UGT2A2: variants seen among roughly 807,000 people sequenced by gnomAD.
UGT2A2 encodes UDP-glucuronosyltransferase 2A2.
In UGT2A2, 60 loss-of-function variants were observed where a neutral mutation model predicts 50.7. The observed-to-expected ratio is 1.18, with a 90% CI of 0.96 to 1.47. UGT2A2 has a LOEUF of 1.47. UGT2A2 is among the 40% of genes most tolerant of loss of function. UGT2A2 has a pLI of 0.00. For synonymous variants in UGT2A2, 242 were observed against 214.6 expected (o/e 1.13, Z -1.11); for missense variants, 762 against 634.0 (o/e 1.20, Z -2.17).
intron 1 of UGT2A2, among the ~76,000 whole-genome samples, chr4:69,602,463 TTATCTATCTATC>T (rs71206000): frequency 0.01 from 1,038 of 100,912 alleles, 231 homozygotes; most frequent in African/African-American, 0.034. Flanking sequence ...ATTTAGGAGT[TTATCTATCTATC>T]TATCTATCTA....
At position 69,639,463 on chromosome 4, in the gene UGT2A2, T is replaced by A; in HGVS notation, c.178A>T (p.Thr60Ser). Residue 60 changes from threonine to serine, a missense_variant, in exon 1 of 6, where the codon ACT (threonine) becomes TCT (serine). Thr to Ser is a moderately conservative substitution (Grantham distance 58). Transcript: ENST00000604629. ...EELIQRNHNV[T>S]VLASSATLFI... is the part of the protein sequence containing the mutation. ...AGAGTTGCTGATGAAGCCAGTACAG[T>A]CACATTGTGATTTCTTTGAATCAAC... 6.2e-7 allele frequency: 1 copy of A among 1,613,182 alleles called. No homozygotes were observed. Among genetic ancestry groups the A allele is most frequent in the Non-Finnish European group, 8.5e-7 (1 of 1,179,540 alleles).
chr4:69,614,184 G>C (rs1720237758), intron 1 of UGT2A2, among the ~76,000 whole-genome samples: 1 of 151,764 alleles, frequency 6.6e-6, no homozygotes, highest in Non-Finnish European at 1.5e-5. Context: ...TGCCAACAGT[G>C]AACCATATGT....
intron 1 of UGT2A2, among the ~76,000 whole-genome samples, chr4:69,625,425 T>TTTTGTTTA (rs1459414132): frequency 2.0e-5 from 3 of 151,222 alleles, no homozygotes; most frequent in Non-Finnish European, 4.4e-5. Context: ...TGTTAGGATG[T>TTTTGTTTA]TTTGTTTATT....
intron 1 of UGT2A2, among the ~76,000 whole-genome samples, chr4:69,633,095 T>C (rs1456625512): frequency 6.6e-6 from 1 of 151,908 alleles, no homozygotes; most frequent in Non-Finnish European, 1.5e-5. Context: ...AAGTAAGAGG[T>C]AGGAGTTACT....
chr4:69,603,283 A>G (rs1410364450), intron 1 of UGT2A2, among the ~76,000 whole-genome samples: 1 of 136,434 alleles, frequency 7.3e-6, no homozygotes, highest in Non-Finnish European at 1.6e-5. Context: ...TATAAAGGAA[A>G]GCAGTTAAGA....
At chr4:69,606,161 G>A (rs1175767409) in intron 1 of UGT2A2, among the ~76,000 whole-genome samples, 2 of 136,230 alleles carry the variant, frequency 1.5e-5, no homozygotes, top group East Asian at 2.0e-4. Context: ...GAACATCGAG[G>A]CAAAAATCCT....
chr4:69,617,593 C>T (rs922440025), intron 1 of UGT2A2, among the ~76,000 whole-genome samples: 9 of 151,798 alleles, frequency 5.9e-5, no homozygotes, highest in Middle Eastern at 3.4e-3. Flanking sequence ...CAAATTAGGG[C>T]TAGTGCTATC....
At chr4:69,614,219 C>T (rs889634570) in intron 1 of UGT2A2, among the ~76,000 whole-genome samples, 1 of 151,752 alleles carries the variant, frequency 6.6e-6, no homozygotes, top group Non-Finnish European at 1.5e-5. Context: ...ATCCCATTTG[C>T]AACAGCTACA....
At chr4:69,622,735 T>C (rs73824177) in intron 1 of UGT2A2, among the ~76,000 whole-genome samples, 3 of 151,822 alleles carry the variant, frequency 2.0e-5, no homozygotes, top group Non-Finnish European at 4.4e-5. Context: ...GATGCTGCTA[T>C]TGTCTAGCAA....
rs572259414 is a variant in UGT2A2, at chr4:69,637,236, T to C, written c.742+1663A>G. Among the ~76,000 whole-genome samples, 6 of 152,258 alleles carry C rather than the reference T, an allele frequency of 3.9e-5. No individual in the cohort carries two copies. In the South Asian group the frequency reaches 8.3e-4, roughly 21 times the overall value. On this transcript the variant is annotated intron_variant, in intron 1 of 5. Coordinates refer to ENST00000604629, the MANE Select transcript of UGT2A2 (RefSeq NM_001105677.2). ...AACTATACTTGTAAAATTTTAGTTA[T>C]AGCATCTTCAAAAATAAACTCAAAT... is the stretch of plus-strand genomic sequence containing the variant.
chr4:69,622,353 T>C (rs1343955421), intron 1 of UGT2A2, among the ~76,000 whole-genome samples: 1 of 151,768 alleles, frequency 6.6e-6, no homozygotes, highest in African/African-American at 2.4e-5. Flanking sequence ...ATAGCTAATA[T>C]GCCAGTGTAT....
chr4:69,608,505 G>A (rs1719821616), intron 1 of UGT2A2, among the ~76,000 whole-genome samples: 2 of 151,696 alleles, frequency 1.3e-5, no homozygotes, highest in African/African-American at 4.8e-5. Context: ...CACCAACCTG[G>A]CACATGTATG....
chr4:69,593,688 A>T (rs2109877752), intron 5 of UGT2A2, among the ~76,000 whole-genome samples: 1 of 151,840 alleles, frequency 6.6e-6, no homozygotes, highest in South Asian at 2.1e-4. Context: ...GTACAAATCA[A>T]TATTTAAAAA....
intron 1 of UGT2A2, among the ~76,000 whole-genome samples, chr4:69,637,938 G>C (rs904236721): frequency 7.3e-6 from 1 of 136,406 alleles, no homozygotes; most frequent in Non-Finnish European, 1.5e-5. Flanking sequence ...CAGGAAGGAA[G>C]GAAGGAAAGA....
chr4:69,596,526 T>C lies in UGT2A2; in HGVS notation c.892-145A>G, dbSNP rs140163061. On this transcript the variant is annotated intron_variant, in intron 2 of 5. Transcript: ENST00000604629. ...TCTTCTGACATGTAGAAAGATCTAG[T>C]TTCTATATTTTTTTTTGGCAGAGTC... 9.0e-5 allele frequency: 112 copies of C among 1,242,022 alleles called. No individual in the cohort carries two copies. In the African/African-American group the frequency reaches 1.3e-3, roughly 15 times the overall value. The allele number at this position is 1,242,022 out of a possible 1,614,324, so 76.9% of individuals were successfully genotyped here. A position where few individuals can be genotyped will look rare whatever the true frequency, so the allele number is the denominator to read the frequency against.
At chr4:69,612,547 G>A (rs1347738874) in intron 1 of UGT2A2, among the ~76,000 whole-genome samples, 1 of 151,790 alleles carries the variant, frequency 6.6e-6, no homozygotes, top group African/African-American at 2.4e-5. Flanking sequence ...ATAGACGAAT[G>A]GAGCAGAAAA....
Position 69,593,979 on chromosome 4 carries a change from TTG to T in UGT2A2, c.1331+496_1331+497del, listed in dbSNP as rs1491419514. ...TAATATTTGAAGTCTTTTTTTTTGT[TTG>T]TTTTTTTTTTTGAGACTGAGTCTTG... On this transcript the variant is annotated intron_variant, in intron 5 of 5. Coordinates refer to ENST00000604629, the MANE Select transcript of UGT2A2 (RefSeq NM_001105677.2). 2.7e-5 allele frequency among the ~76,000 whole-genome samples: 4 copies of T among 147,658 alleles called. 1 individual carries two copies. The highest frequency in any genetic ancestry group is 6.8e-5 in the Admixed American group (1 of 14,796).
chr4:69,632,908 A>T (rs1560489796), intron 1 of UGT2A2, among the ~76,000 whole-genome samples: 1 of 151,768 alleles, frequency 6.6e-6, no homozygotes, highest in South Asian at 2.1e-4. Flanking sequence ...AAAAGTAACT[A>T]CATTTAAGAC....
At chr4:69,620,880 C>G (rs566786627) in intron 1 of UGT2A2, among the ~76,000 whole-genome samples, 1 of 151,250 alleles carries the variant, frequency 6.6e-6, no homozygotes, top group East Asian at 1.9e-4. Context: ...CTGACAAAAC[C>G]GACAAAACCA....
Sources: gnomAD v4.1 joint callset for allele counts (sites outside exome capture counted in the v4.1 genomes callset) on GRCh38, gnomAD v4.1.1 for gene constraint, MANE v1.5 for transcripts, NCBI Gene and HGNC (gene_info 2026-07-23, HGNC 2026-07-21) for gene names.